Variants in CLIP2 observed in about 807,000 individuals in gnomAD.
CLIP2 encodes the protein CAP-Gly domain containing linker protein 2.
Under a neutral mutation model 111.7 loss-of-function variants are expected in CLIP2, and 41 were observed. The observed-to-expected ratio is 0.37, with a 90% CI of 0.29 to 0.48. The LOEUF (loss-of-function observed/expected upper bound fraction) is 0.48, where lower values mean the gene tolerates loss of function less well. Among genes scored for constraint, CLIP2 ranks in the 20% least tolerant of loss-of-function variants. The pLI, the probability that CLIP2 is intolerant of heterozygous loss-of-function variation, is 0.99. For missense variants in CLIP2, 1,160 were observed against 1,422.1 expected (o/e 0.82, Z 2.96); for synonymous variants, 660 against 644.2 (o/e 1.02, Z -0.37).
At position 74,360,239 on chromosome 7, in the gene CLIP2, A is replaced by T; in HGVS notation, c.1280A>T (p.Glu427Val). ...ARLLVESVRK[E>V]KVDLSNQLEE... Reference sequence around the variant, plus strand: ...CTGCTCGTGGAGAGCGTGCGGAAAGAGAAGGTGGACCTGTCCAACCAGCTG... The same window carrying T: ...CTGCTCGTGGAGAGCGTGCGGAAAGTGAAGGTGGACCTGTCCAACCAGCTG... The change falls in exon 7 of 17, where the codon GAG becomes GTG. Residue 427 changes from glutamate to valine, a missense_variant. By Grantham distance (121) the Glu-to-Val change is moderately radical. Transcript: ENST00000223398. 1 of 1,607,042 alleles carries T rather than the reference A, an allele frequency of 6.2e-7. No homozygotes were observed. The highest frequency in any genetic ancestry group is 8.5e-7 in the Non-Finnish European group (1 of 1,176,888).
At chr7:74,311,917 T>TAAAAAAAAAAAAAA (rs1306557485) in intron 1 of CLIP2, among the ~76,000 whole-genome samples, 2 of 49,672 alleles carry the variant, frequency 4.0e-5, no homozygotes, top group African/African-American at 5.6e-5. Context: ...ATCTCAAGAA[T>TAAAAAAAAAAAAAA]AAAAAAAAAA....
At chr7:74,333,077 T>C (rs1234488041) in intron 2 of CLIP2, among the ~76,000 whole-genome samples, 1 of 152,188 alleles carries the variant, frequency 6.6e-6, no homozygotes, top group Non-Finnish European at 1.5e-5. Flanking sequence ...ACCGTGTCCT[T>C]AGGCCCTTGT....
At chr7:74,352,112 T>C (rs1041248326) in intron 3 of CLIP2, among the ~76,000 whole-genome samples, 5 of 152,022 alleles carry the variant, frequency 3.3e-5, no homozygotes, top group Admixed American at 2.0e-4. Flanking sequence ...TTGAAAGAGT[T>C]GGGGTTGAAT....
rs782350168 is a variant in CLIP2, at chr7:74,376,352, G to T, written c.1951G>T (p.Ala651Ser). 6.2e-7 allele frequency: 1 copy of T among 1,614,018 alleles called. No individual in the cohort carries two copies. Among genetic ancestry groups the T allele is most frequent in the Non-Finnish European group, 8.5e-7 (1 of 1,180,038 alleles). Residue 651 changes from alanine (A) to serine (S), a missense_variant, in exon 10 of 17, where the codon GCA becomes TCA. Transcript: ENST00000223398. This position sits in a 1 kb window ranked among gnomAD's most constrained non-coding sequence, Gnocchi z 7.1. ...AQQKEIGELK[A>S]VMEGIKMEHQ... ...GCAGAAGGAGATCGGCGAGCTGAAG[G>T]CAGTGATGGAGGGCATCAAGATGGA...
chr7:74,375,967 C>T lies in CLIP2; in HGVS notation c.1566C>T (p.Leu522=). 6.2e-7 allele frequency: 1 copy of T among 1,609,394 alleles called. No homozygotes were observed. The highest frequency in any genetic ancestry group is 1.1e-5 in the South Asian group (1 of 90,446). Residue 522 remains leucine, a synonymous_variant, in exon 10 of 17, where the codon CTC becomes CTT. Transcript: ENST00000223398. ...LTLRRGEIEE[L]QQCLLHSGPP... ...TGCGCCGAGGTGAAATCGAGGAGCT[C>T]CAGCAGTGCCTGTTGCACTCGGGTC...
intron 3 of CLIP2, among the ~76,000 whole-genome samples, chr7:74,348,000 T>G (rs961378638): frequency 5.3e-5 from 8 of 151,862 alleles, no homozygotes; most frequent in Non-Finnish European, 8.8e-5. Context: ...GCCAACATGG[T>G]GAAACCCCAT....
Position 74,386,510 on chromosome 7 carries a change from C to T in CLIP2, c.2480-11C>T, listed in dbSNP as rs781875395. The stretch of plus-strand genomic sequence containing the variant: ...AGCATTGATGCTTCTCGTCTCTCCT[C>T]TCTCCCCTAGGCCTGCAGGACAAGC... On this transcript the variant is annotated splice_polypyrimidine_tract_variant and intron_variant, in intron 11 of 16. Coordinates refer to ENST00000223398, the MANE Select transcript of CLIP2 (RefSeq NM_003388.5). 1.1e-5 allele frequency: 17 copies of T among 1,610,818 alleles called. No individual in the cohort carries two copies. Among genetic ancestry groups the T allele is most frequent in the Non-Finnish European group, 1.4e-5 (17 of 1,178,178 alleles).
Position 74,372,945 on chromosome 7 carries a change from T to A in CLIP2, c.1394T>A (p.Leu465Gln). ...TKGDLETQTQLEHARIGELEQ... is the reference protein window; with the variant it reads ...TKGDLETQTQQEHARIGELEQ... ...TGGGTGGACCAGACCCAGACGCAGC[T>A]GGAGCACGCGCGCATTGGGGAGCTG... The change falls in exon 9 of 17, where the codon CTG (leucine) becomes CAG (glutamine). Residue 465 changes from leucine (L) to glutamine (Q), a missense_variant. Leu to Gln is a moderately radical substitution (Grantham distance 113). Around this residue, in one of 5 missense-constraint regions of CLIP2, gnomAD observed 676 missense variants for 777.8 expected, o/e 0.87. Coordinates refer to ENST00000223398, the MANE Select transcript of CLIP2 (RefSeq NM_003388.5). 1.5e-6 allele frequency: 2 copies of A among 1,327,718 alleles called. No homozygotes were observed. Among genetic ancestry groups the A allele is most frequent in the Non-Finnish European group, 2.0e-6 (2 of 1,017,096 alleles). 82.2% of individuals were successfully genotyped at this position (1,327,718 alleles called of 1,614,324 possible).
rs1554318537 is a variant in CLIP2, at chr7:74,405,750, A to G, written c.*1902A>G. ...GTGGGCTCCTGGTGACGGGTGTCCA[A>G]GAAGCGGTTTCCTTGGGAGCTTCTG... On this transcript the variant is annotated 3_prime_UTR_variant, in exon 17 of 17. Coordinates refer to ENST00000223398, the MANE Select transcript of CLIP2 (RefSeq NM_003388.5). 1 of 152,644 alleles carries G rather than the reference A, an allele frequency of 6.6e-6. No individual in the cohort carries two copies. The highest frequency in any genetic ancestry group is 2.4e-5 in the African/African-American group (1 of 41,442). The allele number at this position is 152,644 out of a possible 1,614,324, so 9.5% of individuals were successfully genotyped here.
At chr7:74,392,507 G>A (rs951110509) in intron 13 of CLIP2, among the ~76,000 whole-genome samples, 1 of 151,882 alleles carries the variant, frequency 6.6e-6, no homozygotes, top group South Asian at 2.1e-4. Flanking sequence ...CTGGGCGACA[G>A]AGCAAGACCC....
intron 16 of CLIP2, among the ~76,000 whole-genome samples, chr7:74,402,828 C>A (rs1554317948): frequency 6.6e-6 from 1 of 152,148 alleles, no homozygotes; most frequent in African/African-American, 2.4e-5. Context: ...GTGGGCAGAG[C>A]CAGCCTCAGA....
chr7:74,390,221 GA>G (rs1212760910), intron 13 of CLIP2, among the ~76,000 whole-genome samples: 34 of 67,246 alleles, frequency 5.1e-4, no homozygotes, highest in African/African-American at 1.1e-3. Flanking sequence ...AAGAAAGAAA[GA>G]AAGGATTAAT....
At chr7:74,366,231 C>T (rs535619818) in intron 8 of CLIP2, among the ~76,000 whole-genome samples, 35 of 152,250 alleles carry the variant, frequency 2.3e-4, no homozygotes, top group African/African-American at 6.3e-4. Flanking sequence ...CACACTGCCC[C>T]AACTACACAA....
chr7:74,339,029 TG>T, intron 3 of CLIP2, 25 bp downstream of exon 3: 2 of 1,567,704 alleles, frequency 1.3e-6, no homozygotes, highest in South Asian at 2.3e-5. Flanking sequence ...TACTGGGCTC[TG>T]GGCCCAGCTT....
chr7:74,395,295 G>A (rs2116703167), intron 13 of CLIP2, among the ~76,000 whole-genome samples: 1 of 152,168 alleles, frequency 6.6e-6, no homozygotes, highest in African/African-American at 2.4e-5. Flanking sequence ...AAGTAGCTGG[G>A]ATTACAGGCA....
chr7:74,373,526 T>C (rs1274765977), intron 9 of CLIP2, among the ~76,000 whole-genome samples: 3 of 152,068 alleles, frequency 2.0e-5, no homozygotes, highest in Non-Finnish European at 4.4e-5. Flanking sequence ...AATGTGCTTA[T>C]GTTCCCTGGC....
At chr7:74,396,899 C>T (rs1791465178) in intron 13 of CLIP2, among the ~76,000 whole-genome samples, 175 bp from the exon 14 acceptor site, 1 of 151,708 alleles carries the variant, frequency 6.6e-6, no homozygotes, top group Non-Finnish European at 1.5e-5. Context: ...ATCCTGGCCC[C>T]TCTTGGGCTT....
At position 74,297,802 on chromosome 7, in the gene CLIP2, G is replaced by A. The variant is rs148913300; in HGVS notation, c.-68+8068G>A. 1.1e-3 allele frequency among the ~76,000 whole-genome samples: 160 copies of A among 152,026 alleles called. 1 individual carries two copies. The highest frequency in any genetic ancestry group is 3.6e-3 in the African/African-American group (150 of 41,518). ...TCGATGGGAGGAGGACGAGAGTAGC[G>A]GAGGAGGGCATTTTTTTCTTTTTTT... is the stretch of plus-strand genomic sequence containing the variant. On this transcript the variant is annotated intron_variant, in intron 1 of 16. Transcript: ENST00000223398.
chr7:74,382,255 TGTA>T (rs1790965406), intron 11 of CLIP2, among the ~76,000 whole-genome samples: 1 of 148,602 alleles, frequency 6.7e-6, no homozygotes. Context: ...GGCTAATTTT[TGTA>T]TTTTTTTTTT....
Sources: allele counts gnomAD v4.1 joint callset (sites outside exome capture counted in the v4.1 genomes callset), GRCh38; gene constraint gnomAD v4.1.1; regional missense constraint gnomAD v4.1.1; non-coding constraint Gnocchi (gnomAD v3.1); transcripts MANE v1.5; gene names NCBI Gene and HGNC (gene_info 2026-07-23, HGNC 2026-07-21).